HHAT: variants seen among roughly 807,000 people sequenced by gnomAD.
The protein encoded by HHAT is protein-cysteine N-palmitoyltransferase HHAT.
Under a neutral mutation model 70.8 loss-of-function variants are expected in HHAT, and 47 were observed. The observed-to-expected ratio is 0.66, with a 90% CI of 0.53 to 0.85. The LOEUF is 0.85. HHAT is among the 40% of genes least tolerant of loss of function. HHAT has a pLI of 0.00. For missense variants in HHAT, 609 were observed against 604.8 expected (o/e 1.01, Z -0.07); for synonymous variants, 228 against 247.6 (o/e 0.92, Z 0.74).
At position 210,535,695 on chromosome 1, in the gene HHAT, G is replaced by A. The variant is rs143005588; in HGVS notation, c.1043+22507G>A. 2.4e-3 allele frequency among the ~76,000 whole-genome samples: 370 copies of A among 152,244 alleles called. 1 individual carries two copies. The highest frequency in any genetic ancestry group is 7.8e-3 in the African/African-American group (326 of 41,546). ...TGTGTGTGCATGCGTGCATGCATGC[G>A]TGCATCCCTTCTTGTGCTGTATCTG... On this transcript the variant is annotated intron_variant, in intron 9 of 11. Coordinates refer to ENST00000261458, the MANE Select transcript of HHAT (RefSeq NM_018194.6).
At chr1:210,619,958 T>C (rs912652239) in intron 10 of HHAT, among the ~76,000 whole-genome samples, 5 of 152,258 alleles carry the variant, frequency 3.3e-5, no homozygotes, top group Admixed American at 3.3e-4. Flanking sequence ...TCTTCTGGTA[T>C]TCCCCCATTT....
intron 2 of HHAT, among the ~76,000 whole-genome samples, chr1:210,360,313 T>TTTTGTTTTG (rs1553324219): frequency 1.3e-5 from 2 of 151,710 alleles, no homozygotes; most frequent in African/African-American, 2.4e-5. Flanking sequence ...TGTTTTTTTT[T>TTTTGTTTTG]TTTTGTTTTG....
chr1:210,346,005 A>G (rs543915302), intron 1 of HHAT, among the ~76,000 whole-genome samples: 1 of 152,052 alleles, frequency 6.6e-6, no homozygotes, highest in Non-Finnish European at 1.5e-5. Flanking sequence ...TTGAGGCTGC[A>G]GCGAGCTGAG....
At chr1:210,594,124 G>C (rs775934473) in intron 10 of HHAT, among the ~76,000 whole-genome samples, 1 of 151,924 alleles carries the variant, frequency 6.6e-6, no homozygotes, top group East Asian at 1.9e-4. Context: ...CTATTCAGCC[G>C]CTCTGTCTTT....
intron 7 of HHAT, among the ~76,000 whole-genome samples, chr1:210,458,256 A>G (rs1163499650): frequency 5.3e-5 from 8 of 152,202 alleles, no homozygotes; most frequent in Admixed American, 5.2e-4. Flanking sequence ...GGGATAGGGT[A>G]GTAAAAATTA....
At chr1:210,614,795 T>C (rs952782529) in intron 10 of HHAT, among the ~76,000 whole-genome samples, 1 of 152,380 alleles carries the variant, frequency 6.6e-6, no homozygotes, top group South Asian at 2.1e-4. Context: ...CCACATTTTC[T>C]TAATCCAGCC....
At chr1:210,591,401 A>G (rs1573564434) in intron 10 of HHAT, among the ~76,000 whole-genome samples, 1 of 152,238 alleles carries the variant, frequency 6.6e-6, no homozygotes. Flanking sequence ...TTATGGCTGA[A>G]TAATACTCCA....
chr1:210,651,449 C>T (rs1172936322), intron 11 of HHAT, among the ~76,000 whole-genome samples: 1 of 152,154 alleles, frequency 6.6e-6, no homozygotes, highest in African/African-American at 2.4e-5. Context: ...TTGGGAAACA[C>T]AAGGGAAGAA....
intron 11 of HHAT, among the ~76,000 whole-genome samples, chr1:210,639,564 A>G (rs1672583850): frequency 6.6e-6 from 1 of 152,240 alleles, no homozygotes. Flanking sequence ...AGAAGTCCTC[A>G]AAATGGTGTG....
At chr1:210,428,310 AT>A (rs1558497624) in intron 7 of HHAT, among the ~76,000 whole-genome samples, 1 of 22,480 alleles carries the variant, frequency 4.4e-5, no homozygotes, top group African/African-American at 1.3e-4. Flanking sequence ...ATATATATAT[AT>A]ATATATATAT....
intron 9 of HHAT, among the ~76,000 whole-genome samples, chr1:210,522,526 C>A (rs936200555): frequency 6.6e-6 from 1 of 152,172 alleles, no homozygotes; most frequent in African/African-American, 2.4e-5. Flanking sequence ...CTGGGTCCCC[C>A]CTTCCATCGT....
intron 8 of HHAT, 51 bp downstream of exon 8, chr1:210,464,706 C>T: frequency 1.9e-6 from 3 of 1,602,972 alleles, no homozygotes; most frequent in Non-Finnish European, 2.6e-6. Context: ...GTGGGAGGAG[C>T]ATGGCTGGGC....
intron 9 of HHAT, among the ~76,000 whole-genome samples, chr1:210,567,389 A>G (rs901683432): frequency 6.6e-6 from 1 of 152,148 alleles, no homozygotes; most frequent in Non-Finnish European, 1.5e-5. Context: ...TATTTTCCTC[A>G]TCTGGAAATT....
At chr1:210,585,816 G>A (rs970376997) in intron 9 of HHAT, among the ~76,000 whole-genome samples, 1 of 152,154 alleles carries the variant, frequency 6.6e-6, no homozygotes, top group African/African-American at 2.4e-5. Flanking sequence ...GAAACATTGG[G>A]AAATAGGAGG....
intron 9 of HHAT, among the ~76,000 whole-genome samples, chr1:210,572,098 A>G (rs1656434268): frequency 6.6e-6 from 1 of 152,156 alleles, no homozygotes; most frequent in African/African-American, 2.4e-5. Context: ...TGTGTTGGCT[A>G]CTGCAGATTT....
At chr1:210,475,866 A>T (rs994883100) in intron 8 of HHAT, among the ~76,000 whole-genome samples, 1 of 103,324 alleles carries the variant, frequency 9.7e-6, no homozygotes. Context: ...TGTTTTAGTT[A>T]AAAAAAAATC....
intron 8 of HHAT, among the ~76,000 whole-genome samples, chr1:210,483,585 A>ATT (rs2094431061): frequency 6.9e-6 from 1 of 144,814 alleles, no homozygotes; most frequent in African/African-American, 2.5e-5. Flanking sequence ...AAAATAGATT[A>ATT]GTTTCCATTT....
At chr1:210,646,052 A>C (rs2148923306) in intron 11 of HHAT, among the ~76,000 whole-genome samples, 1 of 152,102 alleles carries the variant, frequency 6.6e-6, no homozygotes, top group East Asian at 1.9e-4. Context: ...TGGGAAACTC[A>C]CCCCCGTGCT....
intron 11 of HHAT, among the ~76,000 whole-genome samples, chr1:210,670,678 G>C (rs1413172361): frequency 6.6e-6 from 1 of 152,200 alleles, no homozygotes; most frequent in Non-Finnish European, 1.5e-5. Flanking sequence ...CTTGACAGCT[G>C]TCTGGTACAT....
Sources: allele counts gnomAD v4.1 joint callset (sites outside exome capture counted in the v4.1 genomes callset), GRCh38; gene constraint gnomAD v4.1.1; transcripts MANE v1.5; gene names NCBI Gene and HGNC (gene_info 2026-07-23, HGNC 2026-07-21).